HPD: variants seen among roughly 807,000 people sequenced by gnomAD.
HPD encodes 4-hydroxyphenylpyruvate dioxygenase.
A neutral mutation model predicts 56.9 loss-of-function variants in HPD; 35 were observed. The ratio of observed to expected loss-of-function variants is 0.62; its 90% CI spans 0.47 to 0.82. HPD has a LOEUF of 0.82. HPD is among the 40% of genes least tolerant of loss of function. HPD has a pLI of 0.00. For missense variants in HPD, 442 were observed against 506.8 expected (o/e 0.87, Z 1.23); for synonymous variants, 186 against 200.2 (o/e 0.93, Z 0.60).
At chr12:121,867,702 C>G (rs989127630), upstream of HPD, among the ~76,000 whole-genome samples, 2 of 152,160 alleles carry the variant, frequency 1.3e-5, no homozygotes, top group Admixed American at 6.6e-5. Flanking sequence ...TTAATAGAGA[C>G]AGGGTTTTGC....
chr12:121,883,108 C>T, the HPD span, among the ~76,000 whole-genome samples: 2 of 151,668 alleles, frequency 1.3e-5, no homozygotes, highest in East Asian at 3.9e-4. Context: ...GGTGCTAAGA[C>T]CCAGTGCTAA....
chr12:121,853,802 TG>T (rs1877894892), intron 7 of HPD, among the ~76,000 whole-genome samples: 1 of 150,444 alleles, frequency 6.6e-6, no homozygotes, highest in South Asian at 2.1e-4. Context: ...AAATTAGCCG[TG>T]TGTGCGGGTG....
chr12:121,860,064 A>G (rs979931059), upstream of HPD, among the ~76,000 whole-genome samples: 4 of 152,198 alleles, frequency 2.6e-5, no homozygotes, highest in Non-Finnish European at 4.4e-5. Flanking sequence ...GGACTGAGGC[A>G]GGAGGATCAC....
the HPD span, among the ~76,000 whole-genome samples, chr12:121,880,667 T>C: frequency 6.6e-6 from 1 of 152,188 alleles, no homozygotes; most frequent in Non-Finnish European, 1.5e-5. Context: ...TACTATTTTA[T>C]GTTTTGTAGA....
At chr12:121,888,566 G>A in the HPD span, among the ~76,000 whole-genome samples, 1 of 152,232 alleles carries the variant, frequency 6.6e-6, no homozygotes, top group South Asian at 2.1e-4. Flanking sequence ...GAGAAAATGA[G>A]TCAGCTGGGG....
At chr12:121,856,891 A>C (rs1322924248) in intron 4 of HPD, 1 of 555,168 alleles carries the variant, frequency 1.8e-6, no homozygotes, top group African/African-American at 1.9e-5. Context: ...CGGTCAGGGC[A>C]CTGCTTAAAA....
upstream of HPD, among the ~76,000 whole-genome samples, chr12:121,861,107 G>A (rs557170017): frequency 2.8e-4 from 42 of 152,108 alleles, no homozygotes; most frequent in Non-Finnish European, 4.7e-4. Context: ...AGGCTGAGGC[G>A]GGTGGGTCAC....
chr12:121,873,680 C>T, the HPD span, among the ~76,000 whole-genome samples: 7 of 152,210 alleles, frequency 4.6e-5, no homozygotes, highest in South Asian at 4.1e-4. Context: ...ATTAGCTGGG[C>T]GTGCTGGCGG....
the HPD span, among the ~76,000 whole-genome samples, chr12:121,869,791 C>T: frequency 6.6e-6 from 1 of 152,192 alleles, no homozygotes; most frequent in Non-Finnish European, 1.5e-5. Flanking sequence ...TCCCAAAGTG[C>T]TGGAATTACT....
intron 7 of HPD, among the ~76,000 whole-genome samples, chr12:121,852,622 C>CTTTTTTTTTTTTTTT (rs1176954964): frequency 1.4e-5 from 1 of 70,484 alleles, no homozygotes; most frequent in Non-Finnish European, 2.5e-5. Flanking sequence ...TCATTGGATC[C>CTTTTTTTTTTTTTTT]TTTTTTTTTT....
the HPD span, among the ~76,000 whole-genome samples, chr12:121,871,370 A>G: frequency 2.3e-5 from 1 of 44,118 alleles, no homozygotes. Flanking sequence ...GTCTCAATTA[A>G]AAAAAAAAAA....
At chr12:121,851,876 C>T (rs75670180) in intron 7 of HPD, among the ~76,000 whole-genome samples, 1 of 29,670 alleles carries the variant, frequency 3.4e-5, no homozygotes, top group African/African-American at 1.3e-4. Flanking sequence ...CGCCCGGCTA[C>T]TTTTTTGTAT....
At chr12:121,886,032 T>G in the HPD span, among the ~76,000 whole-genome samples, 3 of 151,382 alleles carry the variant, frequency 2.0e-5, no homozygotes, top group African/African-American at 7.3e-5. Context: ...TGACCTCAGG[T>G]GATCCAGCCG....
chr12:121,883,221 T>TGTGTGTGTGTGTGTGG, the HPD span, among the ~76,000 whole-genome samples: 1 of 142,654 alleles, frequency 7.0e-6, no homozygotes. Flanking sequence ...TGTGTGTGTG[T>TGTGTGTGTGTGTGTGG]GTGTGTGTGT....
rs199638048 is a variant in HPD, at chr12:121,856,353, C to T, written c.295G>A (p.Glu99Lys). 1.9e-5 allele frequency: 31 copies of T among 1,614,136 alleles called. No individual in the cohort carries two copies. The highest frequency in any genetic ancestry group is 1.6e-4 in the Middle Eastern group (1 of 6,062). The change falls in exon 6 of 14, where the codon GAG (glutamate) becomes AAG (lysine). Residue 99 changes from glutamate (E) to lysine (K), a missense_variant. Glu to Lys is a moderately conservative substitution (Grantham distance 56). Coordinates refer to ENST00000289004, the MANE Select transcript of HPD (RefSeq NM_002150.3). ...ACGATGTAGTCACAATCTTCCACCT[C>T]GAACGCAATGTCCTTCACTCCGTCA... ...HGDGVKDIAF[E>K]VEDCDYIVQK...
chr12:121,876,581 A>C, the HPD span, among the ~76,000 whole-genome samples: 2 of 152,120 alleles, frequency 1.3e-5, no homozygotes, highest in Admixed American at 1.3e-4. Flanking sequence ...AGGTTACTCA[A>C]GCCCAGCCAT....
In HPD at chr12:121,848,951, C is replaced by T. The variant is rs370602848; in HGVS notation, c.596+48G>A. The T allele has an allele frequency of 1.7e-5, 24 of 1,392,958 alleles. No individual in the cohort carries two copies. In the African/African-American group the frequency reaches 2.1e-4, roughly 12 times the overall value. 86.3% of individuals were successfully genotyped at this position (1,392,958 alleles called of 1,614,324 possible). A position where few individuals can be genotyped will look rare whatever the true frequency, so the allele number is the denominator to read the frequency against. On this transcript the variant is annotated intron_variant, in intron 9 of 13. Coordinates refer to ENST00000289004, the MANE Select transcript of HPD (RefSeq NM_002150.3). ...AGGACCAGGGAGTGGGCCAGTCCAC[C>T]GTGAGGACCCGTCATCTTCACGCAG...
chr12:121,865,301 C>T (rs1027392415), upstream of HPD, among the ~76,000 whole-genome samples: 3 of 151,212 alleles, frequency 2.0e-5, no homozygotes, highest in African/African-American at 7.3e-5. Flanking sequence ...CAGAGTTTCG[C>T]TTTTGTTGCC....
chr12:121,844,902 A>T (rs200883611), intron 11 of HPD, among the ~76,000 whole-genome samples: 2 of 135,666 alleles, frequency 1.5e-5, no homozygotes, highest in Non-Finnish European at 3.1e-5. Flanking sequence ...AAATAAATAA[A>T]AAATAAAAAA....
Sources: allele counts gnomAD v4.1 joint callset (sites outside exome capture counted in the v4.1 genomes callset), GRCh38; gene constraint gnomAD v4.1.1; transcripts MANE v1.5; gene names NCBI Gene and HGNC (gene_info 2026-07-23, HGNC 2026-07-21).